The following BCL11B variants were observed in gnomAD, a reference collection of about 807,000 sequenced individuals.
BCL11B encodes B-cell lymphoma/leukemia 11B.
A neutral mutation model predicts 49.9 loss-of-function variants in BCL11B; 8 were observed. That is an observed-to-expected ratio of 0.16 (90% confidence interval 0.09 to 0.29). The LOEUF (loss-of-function observed/expected upper bound fraction) is 0.29. Ranked by LOEUF, BCL11B falls within the 10% of genes least tolerant of loss-of-function variation. The probability of loss-of-function intolerance (pLI) is 1.00; values close to 1 mark genes in which losing one functional copy is unlikely to be tolerated. For synonymous variants in BCL11B, 739 were observed against 637.4 expected (o/e 1.16, Z -2.40); for missense variants, 1,006 against 1,351.0 (o/e 0.74, Z 4.00).
rs1152795 is a variant in BCL11B at position 99,248,420 on chromosome 14, G to A, written c.427+9051C>T. 0.57 allele frequency among the ~76,000 whole-genome samples: 86,912 copies of A among 151,946 alleles called. 25,531 individuals carry two copies. The highest frequency in any genetic ancestry group is 0.83 in the East Asian group (4,266 of 5,158). Reference sequence around the variant, plus strand: ...CCTGTGTGCCCAGAGGTCACTGGCCGCCCCCAGCAGGCTCTGGGCCAGGGT... The same window carrying A: ...CCTGTGTGCCCAGAGGTCACTGGCCACCCCCAGCAGGCTCTGGGCCAGGGT... On this transcript the variant is annotated intron_variant, in intron 2 of 3. Transcript: ENST00000357195. This position sits in a 1 kb window ranked among gnomAD's most constrained non-coding sequence, Gnocchi z 4.7.
rs1427824660 is a variant in BCL11B, at chr14:99,231,722, C to T, written c.428-165G>A. 6.8e-6 allele frequency among the ~76,000 whole-genome samples: 1 copy of T among 148,102 alleles called. No individual in the cohort carries two copies. Among genetic ancestry groups the T allele is most frequent in the African/African-American group, 2.5e-5 (1 of 39,602 alleles). ...GCAGGGAAGGCAATCGGGACACAGG[C>T]GAGGGAATGGGCTCGGGGAGGTGGG... On this transcript the variant is annotated intron_variant, in intron 2 of 3. Transcript: ENST00000357195. This position sits in a 1 kb window ranked among gnomAD's most constrained non-coding sequence, Gnocchi z 8.1.
chr14:99,188,835 C>T (rs961595772), intron 3 of BCL11B, among the ~76,000 whole-genome samples: 17 of 152,366 alleles, frequency 1.1e-4, no homozygotes, highest in African/African-American at 4.1e-4. Flanking sequence ...GCCCAGGTGC[C>T]CGCCTGGCCG....
At chr14:99,181,988 T>G (rs976524511) in intron 3 of BCL11B, among the ~76,000 whole-genome samples, 1 of 151,252 alleles carries the variant, frequency 6.6e-6, no homozygotes, top group Non-Finnish European at 1.5e-5. Flanking sequence ...TTAAAAACTA[T>G]CCTCTTTCAT....
intron 3 of BCL11B, among the ~76,000 whole-genome samples, chr14:99,211,388 CCCTCA>C (rs1291181512): frequency 3.3e-5 from 5 of 152,318 alleles, no homozygotes; most frequent in Admixed American, 1.3e-4. Context: ...TTGTCTGGGC[CCCTCA>C]CTCCATCCTG....
chr14:99,233,096 T>G (rs917523620), intron 2 of BCL11B, among the ~76,000 whole-genome samples: 1 of 152,108 alleles, frequency 6.6e-6, no homozygotes, highest in Non-Finnish European at 1.5e-5. Context: ...AAGGCCATGC[T>G]AGATTTAGTG....
At position 99,175,264 on chromosome 14, in the gene BCL11B, C is replaced by T. The variant is rs758740380; in HGVS notation, c.1572G>A (p.Pro524=). 13 of 1,542,304 alleles carry T rather than the reference C, an allele frequency of 8.4e-6. No homozygotes were observed. In the South Asian group the frequency reaches 1.2e-4, roughly 14 times the overall value. The part of the protein sequence containing the change: ...DGDFRHHESD[P]SLGHEPEEED... ...CCTCCTCCGGCTCGTGGCCCAGCGA[C>T]GGGTCGCTCTCGTGGTGGCGGAAGT... is the stretch of plus-strand genomic sequence containing the variant. Residue 524 remains proline (P), a synonymous_variant, in exon 4 of 4, where the codon CCG becomes CCA. Transcript: ENST00000357195.
At chr14:99,216,296 C>A (rs1037400308) in intron 3 of BCL11B, among the ~76,000 whole-genome samples, 41 of 152,186 alleles carry the variant, frequency 2.7e-4, no homozygotes, top group Non-Finnish European at 3.1e-4. Flanking sequence ...CTTAGCACAG[C>A]GCCCCATTAT....
chr14:99,222,768 G>C (rs1027366493), intron 3 of BCL11B, among the ~76,000 whole-genome samples: 5 of 152,122 alleles, frequency 3.3e-5, no homozygotes, highest in African/African-American at 1.2e-4. Context: ...TTCCCCGGTG[G>C]TAAAACCCCT....
Position 99,176,082 on chromosome 14 carries a change from G to A in BCL11B, c.754C>T (p.Pro252Ser). Reference sequence around the variant, plus strand: ...GTGAGCGAGCTGCTGGCCGGCCCGGGCTCCAGGTAGATGCGGAAGCCGTGC... The same window carrying A: ...GTGAGCGAGCTGCTGGCCGGCCCGGACTCCAGGTAGATGCGGAAGCCGTGC... ...NTHGFRIYLE[P>S]GPASSSLTPR... Residue 252 changes from proline to serine, a missense_variant, in exon 4 of 4, where the codon CCC becomes TCC. Transcript: ENST00000357195. 1 of 1,607,776 alleles carries A rather than the reference G, an allele frequency of 6.2e-7. No homozygotes were observed. The highest frequency in any genetic ancestry group is 1.1e-5 in the South Asian group (1 of 90,714).
At chr14:99,177,192 A>G (rs1033137245) in intron 3 of BCL11B, among the ~76,000 whole-genome samples, 8 of 152,134 alleles carry the variant, frequency 5.3e-5, no homozygotes, top group African/African-American at 1.4e-4. Flanking sequence ...ACTGGCCTAC[A>G]TGAGTCTTTC....
intron 2 of BCL11B, among the ~76,000 whole-genome samples, chr14:99,249,994 C>CT (rs1252074283): frequency 1.3e-5 from 2 of 151,694 alleles, no homozygotes; most frequent in Non-Finnish European, 2.9e-5. Flanking sequence ...AGGCAGGCGC[C>CT]TGTAATCCCA....
At position 99,257,868 on chromosome 14, in the gene BCL11B, G is replaced by A. The variant is rs1206737763; in HGVS notation, c.59-29C>T. 1 of 1,497,766 alleles carries A rather than the reference G, an allele frequency of 6.7e-7. No individual in the cohort carries two copies. The highest frequency in any genetic ancestry group is 1.4e-5 in the South Asian group (1 of 71,402). The allele number at this position is 1,497,766 out of a possible 1,614,324, so 92.8% of individuals were successfully genotyped here. A position where few individuals can be genotyped will look rare whatever the true frequency, so the allele number is the denominator to read the frequency against. The stretch of plus-strand genomic sequence containing the variant: ...GAGACAGAAAGAAGAAAGGGAAGGG[G>A]CAGAGAAGATAGAGATGGGCTTAGG... On this transcript the variant is annotated intron_variant, in intron 1 of 3. Coordinates refer to ENST00000357195, the MANE Select transcript of BCL11B (RefSeq NM_138576.4). This position sits in a 1 kb window ranked among gnomAD's most constrained non-coding sequence, Gnocchi z 6.2.
At chr14:99,258,026 C>T (rs1372792849) in intron 1 of BCL11B, among the ~76,000 whole-genome samples, 187 bp from the exon 2 acceptor site, 1 of 152,208 alleles carries the variant, frequency 6.6e-6, no homozygotes, top group Non-Finnish European at 1.5e-5. Flanking sequence ...GACAGATGGG[C>T]ACACTGAGGC....
chr14:99,191,909 C>T (rs1887041607), intron 3 of BCL11B, among the ~76,000 whole-genome samples: 1 of 152,038 alleles, frequency 6.6e-6, no homozygotes, highest in African/African-American at 2.4e-5. Flanking sequence ...GCTGCGTATG[C>T]CACTCTTTCA....
intron 3 of BCL11B, among the ~76,000 whole-genome samples, chr14:99,225,774 T>C (rs932233627): frequency 6.6e-6 from 1 of 152,228 alleles, no homozygotes; most frequent in Non-Finnish European, 1.5e-5. Context: ...CTTCAGAACG[T>C]CTGAAGGGCC....
At chr14:99,207,041 C>T (rs1193149010) in intron 3 of BCL11B, among the ~76,000 whole-genome samples, 2 of 152,202 alleles carry the variant, frequency 1.3e-5, no homozygotes, top group Non-Finnish European at 2.9e-5. Flanking sequence ...CTATTACTTT[C>T]TTTCATAAGT....
chr14:99,255,295 C>G (rs554328936), intron 2 of BCL11B, among the ~76,000 whole-genome samples: 40 of 149,648 alleles, frequency 2.7e-4, no homozygotes, highest in African/African-American at 8.8e-4. Context: ...TTACATATTT[C>G]TTCTAGAATG....
chr14:99,258,301 T>C (rs972317780), intron 1 of BCL11B, among the ~76,000 whole-genome samples: 1 of 152,066 alleles, frequency 6.6e-6, no homozygotes, highest in Non-Finnish European at 1.5e-5. Context: ...GGAACAAACA[T>C]CGGAATAGTC....
chr14:99,245,752 G>A (rs1446922598), intron 2 of BCL11B, among the ~76,000 whole-genome samples: 2 of 152,282 alleles, frequency 1.3e-5, no homozygotes, highest in Admixed American at 1.3e-4. Context: ...CCGGGAGAGC[G>A]CCCAAGGGCC....
Sources: gnomAD v4.1 joint callset for allele counts (sites outside exome capture counted in the v4.1 genomes callset) on GRCh38, gnomAD v4.1.1 for gene constraint, Gnocchi (gnomAD v3.1) non-coding constraint, MANE v1.5 for transcripts, NCBI Gene and HGNC (gene_info 2026-07-23, HGNC 2026-07-21) for gene names.